RBFOX1: variants seen among roughly 807,000 people sequenced by gnomAD.
The protein encoded by RBFOX1 is RNA binding fox-1 homolog 1, also known as RNA binding protein fox-1 homolog 1.
Under a neutral mutation model 57.7 loss-of-function variants are expected in RBFOX1, and 8 were observed. The observed-to-expected ratio is 0.14, with a 90% CI of 0.08 to 0.25. The LOEUF is 0.25. Ranked by LOEUF, RBFOX1 falls within the 10% of genes least tolerant of loss-of-function variation. RBFOX1 has a pLI of 1.00. For missense variants in RBFOX1, 611 were observed against 548.5 expected, an observed-to-expected ratio of 1.11 and a Z score of -1.14; for synonymous variants, 326 against 222.4, an observed-to-expected ratio of 1.47 and a Z score of -4.15.
At chr16:5,770,147 G>C (rs529625097) in intron 3 of RBFOX1, among the ~76,000 whole-genome samples, 1 of 152,110 alleles carries the variant, frequency 6.6e-6, no homozygotes, top group Non-Finnish European at 1.5e-5. Context: ...GAAGTGATGA[G>C]CTATGCTTAA....
At chr16:7,033,599 C>T (rs911904210) in intron 3 of RBFOX1, among the ~76,000 whole-genome samples, 1 of 152,170 alleles carries the variant, frequency 6.6e-6, no homozygotes, top group Admixed American at 6.5e-5. Flanking sequence ...CTTAGGATAA[C>T]TTTAAAGACA....
intron 1 of RBFOX1, among the ~76,000 whole-genome samples, chr16:5,441,409 G>C (rs979656322): frequency 4.7e-5 from 7 of 147,616 alleles, no homozygotes; most frequent in South Asian, 2.2e-4. Flanking sequence ...GTGTCACCTA[G>C]GCTAGAGTGC....
intron 5 of RBFOX1, among the ~76,000 whole-genome samples, chr16:7,551,335 C>A (rs181389294): frequency 8.0e-4 from 121 of 152,172 alleles, no homozygotes; most frequent in Admixed American, 2.0e-3. Context: ...CATGAGGCAT[C>A]CACAGAGGGG....
chr16:5,747,492 C>T (rs1014140712), intron 3 of RBFOX1, among the ~76,000 whole-genome samples: 14 of 152,028 alleles, frequency 9.2e-5, no homozygotes, highest in Non-Finnish European at 1.5e-4. Context: ...TGGTAGAATT[C>T]GGCTGTGAAT....
chr16:6,675,319 T>A (rs1158480178), intron 3 of RBFOX1, among the ~76,000 whole-genome samples: 1 of 152,172 alleles, frequency 6.6e-6, no homozygotes, highest in Non-Finnish European at 1.5e-5. Context: ...TATGCCTAAA[T>A]GTAGGTGCTC....
chr16:6,623,078 A>G (rs1347270994), intron 2 of RBFOX1, among the ~76,000 whole-genome samples: 1 of 152,220 alleles, frequency 6.6e-6, no homozygotes, highest in East Asian at 1.9e-4. Context: ...ATTGCAAATT[A>G]CCTGCTGTGT....
At chr16:7,330,524 G>A (rs1489004005) in intron 4 of RBFOX1, among the ~76,000 whole-genome samples, 11 of 137,122 alleles carry the variant, frequency 8.0e-5, no homozygotes, top group South Asian at 2.4e-4. Context: ...GTGTGTGTGT[G>A]TAGAGAGAGA....
At chr16:6,024,769 C>T (rs1266302258) in intron 1 of RBFOX1, among the ~76,000 whole-genome samples, 1 of 152,202 alleles carries the variant, frequency 6.6e-6, no homozygotes, top group Non-Finnish European at 1.5e-5. Flanking sequence ...CAGGCGTGAG[C>T]CACCACGCCC....
chr16:7,233,820 C>T (rs953112450), intron 4 of RBFOX1, among the ~76,000 whole-genome samples: 1 of 152,120 alleles, frequency 6.6e-6, no homozygotes, highest in Non-Finnish European at 1.5e-5. Context: ...CTAATGGAGT[C>T]TTACTAAGGG....
chr16:6,366,324 A>G (rs1224238710), intron 2 of RBFOX1, among the ~76,000 whole-genome samples: 2 of 152,280 alleles, frequency 1.3e-5, no homozygotes, highest in Admixed American at 6.5e-5. Flanking sequence ...ATATTGAACT[A>G]TAAAGACTTC....
At chr16:5,652,566 C>G (rs141799008) in intron 3 of RBFOX1, among the ~76,000 whole-genome samples, 1 of 152,186 alleles carries the variant, frequency 6.6e-6, no homozygotes, top group African/African-American at 2.4e-5. Context: ...CAAGGCCATA[C>G]CATCCAGACC....
intron 2 of RBFOX1, among the ~76,000 whole-genome samples, chr16:6,336,335 A>G (rs916376358): frequency 6.7e-6 from 1 of 150,354 alleles, no homozygotes; most frequent in South Asian, 2.1e-4. Flanking sequence ...AGCTGGGACT[A>G]TAGGCGCCCG....
chr16:5,924,973 C>T lies in RBFOX1; in HGVS notation c.351+57638C>T, dbSNP rs147591238. ...TGCCCTAAGTTGGTTCAGGGACCTT[C>T]CTATTCTTCCTTGGCTTTTTTAGTT... is the stretch of plus-strand genomic sequence containing the variant. On this transcript the variant is annotated intron_variant, in intron 4 of 19. Transcript: ENST00000641259. Among the ~76,000 whole-genome samples the T allele has an allele frequency of 2.0e-3, 310 of 152,272 alleles. 3 individuals carry two copies. Among genetic ancestry groups the T allele is most frequent in the African/African-American group, 7.3e-3 (302 of 41,544 alleles).
chr16:7,567,784 T>TCC (rs1241554355), intron 5 of RBFOX1, among the ~76,000 whole-genome samples: 16 of 146,214 alleles, frequency 1.1e-4, no homozygotes, highest in Admixed American at 2.1e-4. Flanking sequence ...TCTATATATA[T>TCC]CCATATGTAT....
chr16:5,547,541 A>G (rs1366527531), intron 2 of RBFOX1, among the ~76,000 whole-genome samples: 2 of 152,230 alleles, frequency 1.3e-5, no homozygotes, highest in African/African-American at 2.4e-5. Context: ...ATTTATATGA[A>G]TTCTAAAAAA....
intron 5 of RBFOX1, among the ~76,000 whole-genome samples, chr16:7,571,940 C>T (rs2152777437): frequency 6.6e-6 from 1 of 152,236 alleles, no homozygotes; most frequent in East Asian, 1.9e-4. Context: ...ACCAGCCTGG[C>T]CAACATGATG....
rs377536484 is a variant in RBFOX1 at position 5,946,592 on chromosome 16, C to A, written c.351+79257C>A. On this transcript the variant is annotated intron_variant, in intron 4 of 19. Transcript: ENST00000641259. This position sits in a 1 kb window ranked among gnomAD's most constrained non-coding sequence, Gnocchi z 4.6. ...GGGTGTTCCTGAGTTATATCCTTTA[C>A]GATATACCGGTAATAGTAATTTCCT... Among the ~76,000 whole-genome samples the A allele has an allele frequency of 2.6e-5, 4 of 152,150 alleles. No individual in the cohort carries two copies. Among genetic ancestry groups the A allele is most frequent in the African/African-American group, 9.7e-5 (4 of 41,430 alleles).
At position 7,263,682 on chromosome 16, in the gene RBFOX1, G is replaced by C. The variant is rs935483721; in HGVS notation, c.27+211584G>C. ...AGGCCGAGGCAGGTGGATTACATGA[G>C]GTCAGGAGTTCGAGACCAGCCTGGC... On this transcript the variant is annotated intron_variant, in intron 4 of 15. Coordinates refer to ENST00000550418, the MANE Select transcript of RBFOX1 (RefSeq NM_018723.4). 3.3e-5 allele frequency among the ~76,000 whole-genome samples: 5 copies of C among 152,040 alleles called. No homozygotes were observed. The East Asian group carries it at 7.7e-4, about 23-fold the overall frequency.
intron 14 of RBFOX1, among the ~76,000 whole-genome samples, chr16:7,705,980 C>G (rs565454415): frequency 6.6e-6 from 1 of 152,274 alleles, no homozygotes; most frequent in East Asian, 1.9e-4. Flanking sequence ...CTGGTCGTGT[C>G]CTAACATGGC....
Sources: allele counts gnomAD v4.1 joint callset (sites outside exome capture counted in the v4.1 genomes callset), GRCh38; gene constraint gnomAD v4.1.1; non-coding constraint Gnocchi (gnomAD v3.1); transcripts MANE v1.5; gene names NCBI Gene and HGNC (gene_info 2026-07-23, HGNC 2026-07-21).